ARRB1: variants seen among roughly 807,000 people sequenced by gnomAD.
ARRB1 encodes the protein beta-arrestin-1.
A neutral mutation model predicts 56.8 loss-of-function variants in ARRB1; 21 were observed. That is an observed-to-expected ratio of 0.37 (90% confidence interval 0.26 to 0.53). The LOEUF (loss-of-function observed/expected upper bound fraction) is 0.53, where lower values mean the gene tolerates loss of function less well. Among genes scored for constraint, ARRB1 ranks in the 20% least tolerant of loss-of-function variants. The probability of loss-of-function intolerance (pLI) is 0.88; values close to 1 mark genes in which losing one functional copy is unlikely to be tolerated. For synonymous variants in ARRB1, 210 were observed against 218.6 expected (o/e 0.96, Z 0.35); for missense variants, 424 against 553.7 (o/e 0.77, Z 2.35).
chr11:75,342,334 C>G (rs911386446), intron 1 of ARRB1, among the ~76,000 whole-genome samples: 1 of 152,198 alleles, frequency 6.6e-6, no homozygotes, highest in African/African-American at 2.4e-5. Context: ...ACCCCCCTTC[C>G]CTCTGCTCTG....
rs549066628 is a variant in ARRB1 at position 75,318,431 on chromosome 11, G to A, written c.21-28392C>T. On this transcript the variant is annotated intron_variant, in intron 1 of 15. Coordinates refer to ENST00000420843, the MANE Select transcript of ARRB1 (RefSeq NM_004041.5). ...ATGGCTGGGCACGGTGGCTCATGCC[G>A]ATAATCCCAGAACTTTGGGAGGCCG... Among the ~76,000 whole-genome samples, 5 of 152,202 alleles carry A rather than the reference G, an allele frequency of 3.3e-5. No individual in the cohort carries two copies. The South Asian group carries it at 6.2e-4, about 19-fold the overall frequency.
At chr11:75,273,806 G>A (rs1946129345) in intron 11 of ARRB1, among the ~76,000 whole-genome samples, 1 of 152,210 alleles carries the variant, frequency 6.6e-6, no homozygotes, top group Non-Finnish European at 1.5e-5. Context: ...AGCCTTCCCA[G>A]GTTGCCCTCC....
In ARRB1 at chr11:75,264,432, AG is replaced by A. The variant is rs931936865; in HGVS notation, c.*1730del. 1 of 152,238 alleles carries A rather than the reference AG, an allele frequency of 6.6e-6. No individual in the cohort carries two copies. Among genetic ancestry groups the A allele is most frequent in the African/African-American group, 2.4e-5 (1 of 41,452 alleles). 9.4% of individuals were successfully genotyped at this position (152,238 alleles called of 1,614,324 possible). On this transcript the variant is annotated 3_prime_UTR_variant, in exon 16 of 16. Coordinates refer to ENST00000420843, the MANE Select transcript of ARRB1 (RefSeq NM_004041.5). Reference sequence around the variant, plus strand: ...TAAACCTCAGGGTGTCTGTGCCCACAGGGGGCTGTGAGGTACTGCAAGCCCT... The same window carrying A: ...TAAACCTCAGGGTGTCTGTGCCCACAGGGGCTGTGAGGTACTGCAAGCCCT...
chr11:75,298,823 A>G (rs1339967261), intron 1 of ARRB1, among the ~76,000 whole-genome samples: 2 of 152,114 alleles, frequency 1.3e-5, no homozygotes, highest in Admixed American at 1.3e-4. Flanking sequence ...AATTCAGTCT[A>G]TACATACAAT....
chr11:75,322,090 GA>G (rs1947356319), intron 1 of ARRB1, among the ~76,000 whole-genome samples: 1 of 152,258 alleles, frequency 6.6e-6, no homozygotes, highest in Non-Finnish European at 1.5e-5. Context: ...AAGAGCCCAG[GA>G]TGGGCACAGA....
intron 1 of ARRB1, among the ~76,000 whole-genome samples, chr11:75,296,878 A>G (rs1946762765): frequency 1.3e-5 from 2 of 152,022 alleles, no homozygotes; most frequent in Admixed American, 6.6e-5. Context: ...GGGTTTCACC[A>G]TGTTGTCCAG....
chr11:75,335,835 C>T (rs757891537), intron 1 of ARRB1, among the ~76,000 whole-genome samples: 1 of 152,336 alleles, frequency 6.6e-6, no homozygotes, highest in African/African-American at 2.4e-5. Context: ...CATCCCACAT[C>T]CACATCCCGT....
intron 13 of ARRB1, chr11:75,270,803 A>G (rs1484393558): frequency 6.6e-6 from 1 of 152,158 alleles, no homozygotes; most frequent in Non-Finnish European, 1.5e-5. Flanking sequence ...CTCAGAATAA[A>G]AAATAAAAAT....
At chr11:75,314,610 G>T (rs1026027024) in intron 1 of ARRB1, among the ~76,000 whole-genome samples, 1 of 150,982 alleles carries the variant, frequency 6.6e-6, no homozygotes, top group Non-Finnish European at 1.5e-5. Flanking sequence ...ACAACAGCAC[G>T]TTTTTTTTTC....
At chr11:75,284,543 A>C (rs1462647102) in intron 3 of ARRB1, among the ~76,000 whole-genome samples, 1 of 152,212 alleles carries the variant, frequency 6.6e-6, no homozygotes, top group Non-Finnish European at 1.5e-5. Context: ...GCTAGTAAGA[A>C]TAATAACCTA....
At chr11:75,325,804 T>C (rs145350564) in intron 1 of ARRB1, among the ~76,000 whole-genome samples, 1 of 152,266 alleles carries the variant, frequency 6.6e-6, no homozygotes, top group Non-Finnish European at 1.5e-5. Flanking sequence ...CCAGCCTCTC[T>C]CTGGACCTCA....
At chr11:75,285,154 T>C (rs1273975008) in intron 3 of ARRB1, among the ~76,000 whole-genome samples, 1 of 152,172 alleles carries the variant, frequency 6.6e-6, no homozygotes, top group African/African-American at 2.4e-5. Flanking sequence ...TTGGCACATG[T>C]GGATTGGGGG....
At chr11:75,315,106 G>A (rs1947243258) in intron 1 of ARRB1, among the ~76,000 whole-genome samples, 1 of 152,192 alleles carries the variant, frequency 6.6e-6, no homozygotes, top group Non-Finnish European at 1.5e-5. Flanking sequence ...ACCCGCTGTA[G>A]TGAATTTTAA....
At chr11:75,347,587 T>G (rs1005723789) in intron 1 of ARRB1, among the ~76,000 whole-genome samples, 1 of 152,176 alleles carries the variant, frequency 6.6e-6, no homozygotes, top group Non-Finnish European at 1.5e-5. Context: ...GGAGGCCAAC[T>G]GTGAGCCAGA....
At chr11:75,302,378 G>A (rs1946925330) in intron 1 of ARRB1, among the ~76,000 whole-genome samples, 1 of 152,216 alleles carries the variant, frequency 6.6e-6, no homozygotes, top group African/African-American at 2.4e-5. Flanking sequence ...TGGACAGAGG[G>A]GAGAGTTTCT....
intron 1 of ARRB1, among the ~76,000 whole-genome samples, chr11:75,304,721 C>G (rs1387538472): frequency 6.6e-6 from 1 of 151,484 alleles, no homozygotes; most frequent in African/African-American, 2.4e-5. Flanking sequence ...TGTCAGTCCC[C>G]CCAAACCCCC....
At chr11:75,291,072 C>T (rs1946602187) in intron 1 of ARRB1, among the ~76,000 whole-genome samples, 1 of 152,150 alleles carries the variant, frequency 6.6e-6, no homozygotes, top group Non-Finnish European at 1.5e-5. Context: ...AATGATGGGA[C>T]CAGGAACGGT....
intron 1 of ARRB1, among the ~76,000 whole-genome samples, chr11:75,292,732 C>T (rs900822770): frequency 2.0e-4 from 31 of 152,074 alleles, no homozygotes; most frequent in Non-Finnish European, 4.0e-4. Flanking sequence ...CTGGAAGGAG[C>T]GAGACACCCT....
chr11:75,351,432 G>T (rs1490098973), intron 1 of ARRB1, among the ~76,000 whole-genome samples, 156 bp downstream of exon 1: 2 of 152,000 alleles, frequency 1.3e-5, no homozygotes. Flanking sequence ...CGGCCCTGCC[G>T]GGGAGACCAC....
Sources: allele counts gnomAD v4.1 joint callset (sites outside exome capture counted in the v4.1 genomes callset), GRCh38; gene constraint gnomAD v4.1.1; transcripts MANE v1.5; gene names NCBI Gene and HGNC (gene_info 2026-07-23, HGNC 2026-07-21).